The following PLA2G4C variants were observed in gnomAD, a reference collection of about 807,000 sequenced individuals.
The protein encoded by PLA2G4C is cytosolic phospholipase A2 gamma.
PLA2G4C carries 64 observed loss-of-function variants against 73.8 expected under a neutral mutation model. The ratio of observed to expected loss-of-function variants is 0.87; its 90% CI spans 0.71 to 1.07. The LOEUF is 1.07. PLA2G4C is among the 50% of genes least tolerant of loss of function. The pLI, the probability that PLA2G4C is intolerant of heterozygous loss-of-function variation, is 0.00. For synonymous variants in PLA2G4C, 254 were observed against 252.1 expected (o/e 1.01, Z -0.07); for missense variants, 622 against 665.4 (o/e 0.93, Z 0.72).
intron 7 of PLA2G4C, among the ~76,000 whole-genome samples, chr19:48,092,882 A>G (rs949634071): frequency 1.3e-5 from 2 of 152,228 alleles, no homozygotes; most frequent in Non-Finnish European, 2.9e-5. Context: ...ATACCACTGT[A>G]CTTGACACTT....
chr19:48,085,709 C>T lies in PLA2G4C; in HGVS notation c.791-597G>A, dbSNP rs138108765. On this transcript the variant is annotated intron_variant, in intron 9 of 16. Transcript: ENST00000599921. ...TCCACAGTCCCTTTGAAGGAAGTGA[C>T]GGGCTGCAGCCTATACTGTGACTCA... Among the ~76,000 whole-genome samples, 867 of 152,014 alleles carry T rather than the reference C, an allele frequency of 5.7e-3. 7 individuals carry two copies. Among genetic ancestry groups the T allele is most frequent in the African/African-American group, 0.02 (831 of 41,386 alleles).
intron 10 of PLA2G4C, 140 bp downstream of exon 10, chr19:48,084,919 A>G (rs904294884): frequency 1.8e-5 from 12 of 657,034 alleles, no homozygotes; most frequent in African/African-American, 1.3e-4. Flanking sequence ...TGTTCAGTGT[A>G]TGAGAATAAA....
At chr19:48,078,630 A>G (rs1471107064) in intron 10 of PLA2G4C, among the ~76,000 whole-genome samples, 1 of 152,232 alleles carries the variant, frequency 6.6e-6, no homozygotes, top group Non-Finnish European at 1.5e-5. Context: ...CTGCAAAAAA[A>G]TAAAATAAAA....
chr19:48,101,123 T>C (rs1254944198), intron 4 of PLA2G4C, among the ~76,000 whole-genome samples: 41 of 57,616 alleles, frequency 7.1e-4, no homozygotes, highest in Middle Eastern at 0.02. Context: ...TATATATATA[T>C]ATATTTTTTT....
chr19:48,079,375 T>C (rs377248486), intron 10 of PLA2G4C, among the ~76,000 whole-genome samples: 1 of 152,140 alleles, frequency 6.6e-6, no homozygotes, highest in African/African-American at 2.4e-5. Context: ...CAAATACTTA[T>C]AGCCAAGTGA....
chr19:48,084,040 TTGTGTGTGTGTGTGTG>T (rs71181645), intron 10 of PLA2G4C, among the ~76,000 whole-genome samples: 9 of 139,130 alleles, frequency 6.5e-5, no homozygotes, highest in African/African-American at 2.2e-4. Context: ...AATGCCAATT[TTGTGTGTGTGTGTGTG>T]TGTGTGTGTG....
chr19:48,086,430 C>T (rs531633655), intron 9 of PLA2G4C, among the ~76,000 whole-genome samples: 1 of 152,232 alleles, frequency 6.6e-6, no homozygotes, highest in South Asian at 2.1e-4. Context: ...TGAAAACCAC[C>T]CCCACCCCCT....
chr19:48,108,458 A>C (rs1029055232), intron 1 of PLA2G4C, among the ~76,000 whole-genome samples: 7 of 152,140 alleles, frequency 4.6e-5, no homozygotes, highest in African/African-American at 1.7e-4. Flanking sequence ...TCTGTGTTTC[A>C]CGACAGTGAT....
chr19:48,067,195 G>A (rs1167082894), intron 13 of PLA2G4C, among the ~76,000 whole-genome samples: 1 of 149,180 alleles, frequency 6.7e-6, no homozygotes, highest in Non-Finnish European at 1.5e-5. Flanking sequence ...TTTAGATGGT[G>A]TCTCGCTCTG....
chr19:48,061,959 C>A, intron 14 of PLA2G4C, 39 bp downstream of exon 14: 3 of 1,606,014 alleles, frequency 1.9e-6, no homozygotes, highest in African/African-American at 1.3e-5. Flanking sequence ...CGCAGCCCAC[C>A]TCCCACCCAG....
intron 6 of PLA2G4C, chr19:48,097,660 C>G (rs11083913): frequency 0.4 from 60,312 of 152,664 alleles, 12,072 homozygotes; most frequent in South Asian, 0.46. Context: ...GGTGCAATCA[C>G]AGCTCACCGA....
rs140212178 is a variant in PLA2G4C, at chr19:48,048,371, T to A, written c.1598A>T (p.Asp533Val). ...TGCCAAGCAGCAACTTCGGGCACTA[T>A]CCTTCGGGTAGTAGAGCCTGGGGAG... ...MNVAGLYYPK[D>V]SARSCCLA Residue 533 changes from aspartate (D) to valine (V), a missense_variant, in exon 17 of 17, where the codon GAT (aspartate) becomes GTT (valine). Asp to Val is a radical substitution (Grantham distance 152). Coordinates refer to ENST00000599921, the MANE Select transcript of PLA2G4C (RefSeq NM_003706.3). 1 of 1,596,826 alleles carries A rather than the reference T, an allele frequency of 6.3e-7. No homozygotes were observed. Among genetic ancestry groups the A allele is most frequent in the Non-Finnish European group, 8.5e-7 (1 of 1,174,138 alleles).
intron 13 of PLA2G4C, among the ~76,000 whole-genome samples, chr19:48,066,104 A>T (rs1317373231): frequency 6.6e-6 from 1 of 150,620 alleles, no homozygotes; most frequent in Non-Finnish European, 1.5e-5. Flanking sequence ...AAAAAAAAAA[A>T]TTTGTGTTGA....
intron 12 of PLA2G4C, among the ~76,000 whole-genome samples, chr19:48,073,262 C>T (rs530963437): frequency 6.6e-6 from 1 of 151,954 alleles, no homozygotes; most frequent in East Asian, 1.9e-4. Context: ...GTTGCCCAAG[C>T]TGGTTTTGAA....
Position 48,099,738 on chromosome 19 carries a change from G to A in PLA2G4C, c.380C>T (p.Ala127Val), listed in dbSNP as rs11564532. The change falls in exon 5 of 17, where the codon GCG becomes GTG. Residue 127 changes from alanine to valine, a missense_variant. Physicochemically the swap from Ala to Val is moderately conservative, Grantham distance 64. Transcript: ENST00000599921. ...GGTCAGAGAGTAATTCTCAGACCTC[G>A]CTGCTTGGATGGTTTTCTGTAGGCT... Reference protein sequence around the residue: ...AKSLQKTIQAARSENYSLTDF... With the variant: ...AKSLQKTIQAVRSENYSLTDF... The A allele has an allele frequency of 1.9e-3, 3,130 of 1,613,962 alleles. 7 individuals are homozygous for A. The highest frequency in any genetic ancestry group is 2.4e-3 in the Admixed American group (141 of 59,994).
In PLA2G4C at chr19:48,104,418, T is replaced by C. The variant is rs11564527; in HGVS notation, c.257+170A>G. The C allele has an allele frequency of 6.6e-4, 408 of 617,696 alleles. No individual in the cohort carries two copies. In the African/African-American group the frequency reaches 7.0e-3, roughly 11 times the overall value. 38.3% of individuals were successfully genotyped at this position (617,696 alleles called of 1,614,324 possible). A position where few individuals can be genotyped will look rare whatever the true frequency, so the allele number is the denominator to read the frequency against. ...CCCCTTTCACCTGTGGAATCTGATG[T>C]GAACTCCAGGTAGCCAGCGTCAGAA... On this transcript the variant is annotated intron_variant, in intron 4 of 16. Transcript: ENST00000599921.
In PLA2G4C at chr19:48,104,702, C is replaced by G. The variant is rs766385698; in HGVS notation, c.143G>C (p.Gly48Ala). ...ADEAPVVAVL[G>A]SGGGLRAHIA... Reference sequence around the variant, plus strand: ...GTGAGCCCGCAGTCCTCCGCCTGAGCCCAGCACAGCAACAACTGGGGCCTA... The same window carrying G: ...GTGAGCCCGCAGTCCTCCGCCTGAGGCCAGCACAGCAACAACTGGGGCCTA... The change falls in exon 4 of 17, where the codon GGC (glycine) becomes GCC (alanine). Residue 48 changes from glycine (G) to alanine (A), a missense_variant. By Grantham distance (60) the Gly-to-Ala change is moderately conservative. Coordinates refer to ENST00000599921, the MANE Select transcript of PLA2G4C (RefSeq NM_003706.3). The G allele has an allele frequency of 6.2e-7, 1 of 1,613,932 alleles. No homozygotes were observed. Among genetic ancestry groups the G allele is most frequent in the East Asian group, 2.2e-5 (1 of 44,872 alleles).
At chr19:48,080,055 C>T (rs7252190) in intron 10 of PLA2G4C, among the ~76,000 whole-genome samples, 13,325 of 152,082 alleles carry the variant, frequency 0.088, 949 homozygotes, top group East Asian at 0.28. Flanking sequence ...CCACTGAATG[C>T]GAGCAAATAT....
At chr19:48,095,748 T>C in intron 6 of PLA2G4C, 144 bp from the exon 7 acceptor site, 1 of 847,232 alleles carries the variant, frequency 1.2e-6, no homozygotes, top group South Asian at 1.6e-5. Flanking sequence ...CAGAAACCAC[T>C]GGGGATCTCA....
Sources: gnomAD v4.1 joint callset for allele counts (sites outside exome capture counted in the v4.1 genomes callset) on GRCh38, gnomAD v4.1.1 for gene constraint, MANE v1.5 for transcripts, NCBI Gene and HGNC (gene_info 2026-07-23, HGNC 2026-07-21) for gene names.